The following MCF2L variants were observed in gnomAD, a reference collection of about 807,000 sequenced individuals.
MCF2L encodes MCF.2 cell line derived transforming sequence like.
MCF2L carries 97 observed loss-of-function variants against 153.4 expected under a neutral mutation model. That is an observed-to-expected ratio of 0.63 (90% CI 0.54 to 0.75). The LOEUF is 0.75. Among genes scored for constraint, MCF2L ranks in the 30% least tolerant of loss-of-function variants. The pLI, the probability that MCF2L is intolerant of heterozygous loss-of-function variation, is 0.00. For synonymous variants in MCF2L, 659 were observed against 632.2 expected (o/e 1.04, Z -0.64); for missense variants, 1,347 against 1,495.2 (o/e 0.90, Z 1.64).
intron 2 of MCF2L, among the ~76,000 whole-genome samples, chr13:112,942,282 A>G (rs1028842897): frequency 1.3e-5 from 2 of 152,150 alleles, no homozygotes; most frequent in Non-Finnish European, 2.9e-5. Context: ...AAGCAGAAAT[A>G]ATGGCGTAAG....
At position 113,025,555 on chromosome 13, in the gene MCF2L, CAG is replaced by C. The variant is rs1265552896; in HGVS notation, c.278+800_278+801del. 3.8e-5 allele frequency among the ~76,000 whole-genome samples: 4 copies of C among 104,700 alleles called. 1 individual carries two copies. The highest frequency in any genetic ancestry group is 1.4e-4 in the African/African-American group (4 of 27,708). 68.7% of individuals were successfully genotyped at this position (104,700 alleles called of 152,430 possible). On this transcript the variant is annotated intron_variant, in intron 3 of 29. Coordinates refer to ENST00000535094, the MANE Select transcript of MCF2L (RefSeq NM_001112732.3). The stretch of plus-strand genomic sequence containing the variant: ...GGGTCCCCGTGACTGTGGGTTGGGG[CAG>C]AGTCTCTGGGAGGTTTCATCATGGT...
At chr13:112,968,415 C>T, upstream of MCF2L, 1 of 1,562,838 alleles carries the variant, frequency 6.4e-7, no homozygotes, top group Non-Finnish European at 8.6e-7. Flanking sequence ...CTGCAGGTGG[C>T]AGCCAGGACG....
At chr13:112,929,473 C>T (rs1316473083) in intron 2 of MCF2L, among the ~76,000 whole-genome samples, 1 of 152,214 alleles carries the variant, frequency 6.6e-6, no homozygotes, top group Non-Finnish European at 1.5e-5. Context: ...GCCCTTTCCG[C>T]CTTCTCTTAA....
At chr13:112,953,840 G>A (rs761684856) in intron 2 of MCF2L, among the ~76,000 whole-genome samples, 8 of 152,202 alleles carry the variant, frequency 5.3e-5, no homozygotes, top group Non-Finnish European at 8.8e-5. Context: ...TGGGTCAGAC[G>A]GCAAAGGCAG....
intron 4 of MCF2L, among the ~76,000 whole-genome samples, chr13:113,057,241 G>A (rs556106424): frequency 7.4e-5 from 11 of 147,798 alleles, no homozygotes; most frequent in Admixed American, 7.4e-4. Flanking sequence ...AGTGGGTGCT[G>A]TGTTTAGGTG....
intron 2 of MCF2L, among the ~76,000 whole-genome samples, chr13:112,905,809 C>T (rs956268889): frequency 2.6e-5 from 4 of 152,288 alleles, no homozygotes; most frequent in East Asian, 3.9e-4. Context: ...GGGTCACAGC[C>T]GCCTCTGCTA....
intron 2 of MCF2L, among the ~76,000 whole-genome samples, chr13:112,918,228 G>C (rs2081315626): frequency 6.6e-6 from 1 of 152,218 alleles, no homozygotes; most frequent in African/African-American, 2.4e-5. Flanking sequence ...TTAGGGATGA[G>C]GAGGGTCCCT....
At chr13:112,915,741 T>C (rs913789180) in intron 2 of MCF2L, among the ~76,000 whole-genome samples, 1 of 152,116 alleles carries the variant, frequency 6.6e-6, no homozygotes, top group African/African-American at 2.4e-5. Flanking sequence ...TCCCATCTCG[T>C]CCCGAGTGGA....
At chr13:113,013,671 C>T (rs1036464149) in intron 1 of MCF2L, among the ~76,000 whole-genome samples, 3 of 152,188 alleles carry the variant, frequency 2.0e-5, no homozygotes, top group Admixed American at 1.3e-4. Flanking sequence ...AAAAATTGAG[C>T]GTTTAAGCCA....
chr13:112,951,242 A>G lies in MCF2L; in HGVS notation c.169+48871A>G, dbSNP rs77476508. Among the ~76,000 whole-genome samples the G allele has an allele frequency of 0.07, 10,693 of 152,268 alleles. 429 individuals are homozygous for G. Among genetic ancestry groups the G allele is most frequent in the African/African-American group, 0.1 (4,161 of 41,538 alleles). On this transcript the variant is annotated intron_variant, in intron 2 of 29. Coordinates refer to the MCF2L transcript ENST00000375608. The surrounding 1 kb of genome is among the most constrained non-coding windows in gnomAD (Gnocchi z 4.8). ...GATGTGGATAAACTGGGTTACTCCT[A>G]AGTTGCTGGTGGGAATGTAAAATAG... is the stretch of plus-strand genomic sequence containing the variant.
intron 2 of MCF2L, among the ~76,000 whole-genome samples, chr13:112,945,095 T>C (rs2081624226): frequency 6.6e-6 from 1 of 151,334 alleles, no homozygotes; most frequent in Admixed American, 6.6e-5. Flanking sequence ...CTGTTTAGGC[T>C]CAGTCTTGGT....
intron 2 of MCF2L, chr13:112,902,496 C>T: frequency 2.0e-6 from 2 of 990,714 alleles, no homozygotes; most frequent in Non-Finnish European, 2.8e-6. Context: ...GAATGCATGA[C>T]CCCCCAGGTA....
chr13:112,968,430 G>C (rs767786048), upstream of MCF2L: 2 of 1,580,134 alleles, frequency 1.3e-6, no homozygotes, highest in African/African-American at 1.3e-5. Flanking sequence ...AGGACGCTGC[G>C]TGTGTCGAGT....
At chr13:113,091,464 G>A (rs1391969788) in intron 26 of MCF2L, among the ~76,000 whole-genome samples, 2 of 152,214 alleles carry the variant, frequency 1.3e-5, no homozygotes, top group African/African-American at 4.8e-5. Flanking sequence ...CACGGCTGCT[G>A]CGCTGGTCAC....
At chr13:112,971,000 A>G (rs926521167) in intron 1 of MCF2L, among the ~76,000 whole-genome samples, 2 of 152,156 alleles carry the variant, frequency 1.3e-5, no homozygotes, top group African/African-American at 2.4e-5. Flanking sequence ...AGCACCCTGT[A>G]GCGTTTAGTT....
chr13:113,013,272 C>T (rs796522426), intron 1 of MCF2L, among the ~76,000 whole-genome samples: 9 of 152,308 alleles, frequency 5.9e-5, no homozygotes, highest in Admixed American at 1.3e-4. Context: ...AAGAAGCCAT[C>T]GCCGAGACGT....
chr13:113,062,559 C>T (rs991343136), intron 5 of MCF2L, among the ~76,000 whole-genome samples: 2 of 152,090 alleles, frequency 1.3e-5, no homozygotes, highest in Admixed American at 1.3e-4. Flanking sequence ...CACAACGGCT[C>T]CACAGCAAGC....
intron 1 of MCF2L, among the ~76,000 whole-genome samples, chr13:112,991,379 A>G (rs2082892106): frequency 6.8e-6 from 1 of 147,858 alleles, no homozygotes; most frequent in Non-Finnish European, 1.5e-5. Flanking sequence ...GGCATCTCCC[A>G]GGACCTGATT....
intron 2 of MCF2L, among the ~76,000 whole-genome samples, chr13:112,911,609 C>T (rs2081233929): frequency 6.6e-6 from 1 of 152,216 alleles, no homozygotes; most frequent in South Asian, 2.1e-4. Context: ...GTCACCCGGG[C>T]TGCAGGCGTC....
Sources: allele counts gnomAD v4.1 joint callset (sites outside exome capture counted in the v4.1 genomes callset), GRCh38; gene constraint gnomAD v4.1.1; non-coding constraint Gnocchi (gnomAD v3.1); transcripts MANE v1.5; gene names NCBI Gene and HGNC (gene_info 2026-07-23, HGNC 2026-07-21).